MELK: variants seen among roughly 807,000 people sequenced by gnomAD.
The protein encoded by MELK is maternal embryonic leucine zipper kinase.
A neutral mutation model predicts 85.0 loss-of-function variants in MELK; 81 were observed. The ratio of observed to expected loss-of-function variants is 0.95; its 90% CI spans 0.80 to 1.15. The LOEUF (loss-of-function observed/expected upper bound fraction) is 1.15. Among genes scored for constraint, MELK ranks in the 50% most tolerant of loss-of-function variants. MELK has a pLI of 0.00. For synonymous variants in MELK, 252 were observed against 265.0 expected, an observed-to-expected ratio of 0.95 and a Z score of 0.48; for missense variants, 754 against 777.5, an observed-to-expected ratio of 0.97 and a Z score of 0.36.
intron 17 of MELK, among the ~76,000 whole-genome samples, chr9:36,676,834 T>C (rs1379433219): frequency 6.6e-6 from 1 of 152,216 alleles, no homozygotes; most frequent in Non-Finnish European, 1.5e-5. Flanking sequence ...GGATTACACG[T>C]TGAAAGGATT....
intron 7 of MELK, among the ~76,000 whole-genome samples, chr9:36,600,279 C>T (rs570800891): frequency 3.3e-5 from 5 of 151,878 alleles, no homozygotes; most frequent in South Asian, 2.1e-4. Flanking sequence ...TTAGTAGAGA[C>T]GGGTTTCACC....
intron 15 of MELK, among the ~76,000 whole-genome samples, chr9:36,669,861 A>G (rs77382702): frequency 1.9e-5 from 2 of 104,058 alleles, no homozygotes; most frequent in African/African-American, 3.7e-5. Context: ...TCTTAAAGGC[A>G]TTGTCTATTT....
At chr9:36,583,416 T>G (rs894706085) in intron 2 of MELK, among the ~76,000 whole-genome samples, 2 of 151,776 alleles carry the variant, frequency 1.3e-5, no homozygotes, top group Non-Finnish European at 2.9e-5. Context: ...GAGTTCTGTT[T>G]TTTTTTTATT....
At chr9:36,579,880 TTTTA>T (rs1310866480) in intron 1 of MELK, among the ~76,000 whole-genome samples, 1 of 152,130 alleles carries the variant, frequency 6.6e-6, no homozygotes, top group African/African-American at 2.4e-5. Flanking sequence ...TACAACTAAT[TTTTA>T]TTTATTATTT....
rs1040310727 is a variant in MELK, at chr9:36,580,058, T to C, written c.-38-1586T>C. Among the ~76,000 whole-genome samples the C allele has an allele frequency of 6.3e-3, 938 of 148,214 alleles. 3 individuals carry two copies. Among genetic ancestry groups the C allele is most frequent in the African/African-American group, 0.023 (906 of 39,984 alleles). On this transcript the variant is annotated intron_variant, in intron 1 of 17. Coordinates refer to ENST00000298048, the MANE Select transcript of MELK (RefSeq NM_014791.4). ...GTCTTCTTTTTTTTTTTTTTTTTTTTTTATTTTGAGACAGAATCTCGCTCC... is the reference window on the plus strand; with the variant it reads ...GTCTTCTTTTTTTTTTTTTTTTTTTCTTATTTTGAGACAGAATCTCGCTCC...
At chr9:36,635,856 G>A (rs930193762) in intron 10 of MELK, among the ~76,000 whole-genome samples, 16 of 150,580 alleles carry the variant, frequency 1.1e-4, no homozygotes, top group South Asian at 2.1e-4. Context: ...GAGTGCAATG[G>A]CGCAGTCTCA....
At chr9:36,648,580 A>G (rs1353487456) in intron 11 of MELK, among the ~76,000 whole-genome samples, 1 of 152,226 alleles carries the variant, frequency 6.6e-6, no homozygotes, top group Non-Finnish European at 1.5e-5. Context: ...CAAAGTCTTC[A>G]TATTGAACAG....
chr9:36,672,289 G>A (rs1051126725), intron 16 of MELK, among the ~76,000 whole-genome samples: 8 of 152,012 alleles, frequency 5.3e-5, no homozygotes, highest in Admixed American at 3.9e-4. Flanking sequence ...AATTTCTCTG[G>A]TTGGAGATAG....
chr9:36,651,059 G>C (rs1398184867), intron 11 of MELK, among the ~76,000 whole-genome samples: 1 of 152,146 alleles, frequency 6.6e-6, no homozygotes, highest in Non-Finnish European at 1.5e-5. Context: ...TGACCACATT[G>C]GTTGTTAAAA....
At chr9:36,657,999 A>G (rs923813977) in intron 13 of MELK, among the ~76,000 whole-genome samples, 4 of 152,098 alleles carry the variant, frequency 2.6e-5, no homozygotes, top group Non-Finnish European at 5.9e-5. Flanking sequence ...ACAGTTGTAT[A>G]ACCACCACCA....
At chr9:36,661,284 C>T (rs960154949) in intron 13 of MELK, among the ~76,000 whole-genome samples, 1 of 152,108 alleles carries the variant, frequency 6.6e-6, no homozygotes. Flanking sequence ...ATAAATGCTG[C>T]GATCTTTGGC....
rs1415556900 is a variant in MELK at position 36,633,085 on chromosome 9, T to C, written c.736-17T>C. On this transcript the variant is annotated splice_polypyrimidine_tract_variant and intron_variant, in intron 9 of 17. Coordinates refer to ENST00000298048, the MANE Select transcript of MELK (RefSeq NM_014791.4). ...ATTTGAAATGTTAATCTCTAGCTACTTTTTAATGGCCACTAGGTGGACCCA... is the reference window on the plus strand; with the variant it reads ...ATTTGAAATGTTAATCTCTAGCTACCTTTTAATGGCCACTAGGTGGACCCA... 39 of 1,567,632 alleles carry C rather than the reference T, an allele frequency of 2.5e-5. No homozygotes were observed. Among genetic ancestry groups the C allele is most frequent in the Non-Finnish European group, 3.4e-5 (39 of 1,147,074 alleles).
In MELK at chr9:36,589,619, A is replaced by G. The variant is rs148574125; in HGVS notation, c.228A>G (p.Leu76=). The change falls in exon 4 of 18, where the codon CTA becomes CTG. Residue 76 remains leucine, a synonymous_variant. Transcript: ENST00000298048. The stretch of plus-strand genomic sequence containing the variant: ...ATATATGTCAACTCTACCATGTGCT[A>G]GAGACAGCCAACAAAATATTCATGG... ...HQHICQLYHV[L]ETANKIFMVL... is the part of the protein sequence containing the mutation. 288 of 1,613,466 alleles carry G rather than the reference A, an allele frequency of 1.8e-4. 1 individual carries two copies. The South Asian group carries it at 2.6e-3, about 15-fold the overall frequency.
intron 17 of MELK, among the ~76,000 whole-genome samples, chr9:36,676,781 G>A (rs934217204): frequency 3.9e-5 from 6 of 152,140 alleles, no homozygotes; most frequent in African/African-American, 7.2e-5. Context: ...TCTTTCTTGC[G>A]CTTTCCTTTG....
At chr9:36,582,803 T>C (rs973601155) in intron 2 of MELK, among the ~76,000 whole-genome samples, 2 of 152,108 alleles carry the variant, frequency 1.3e-5, no homozygotes, top group African/African-American at 2.4e-5. Flanking sequence ...GTTTTTGGCC[T>C]GAGCACCAGG....
chr9:36,636,290 G>A (rs1422796422), intron 10 of MELK, among the ~76,000 whole-genome samples: 1 of 151,864 alleles, frequency 6.6e-6, no homozygotes, highest in Non-Finnish European at 1.5e-5. Context: ...GATCACCTGA[G>A]GTTGGGAGTT....
chr9:36,581,776 C>T (rs778559271), intron 2 of MELK, 37 bp downstream of exon 2: 4 of 1,498,486 alleles, frequency 2.7e-6, no homozygotes, highest in South Asian at 2.3e-5. Context: ...GTGGATAGAT[C>T]AACTATTTGA....
At chr9:36,576,432 G>C (rs1305086590) in intron 1 of MELK, among the ~76,000 whole-genome samples, 1 of 152,152 alleles carries the variant, frequency 6.6e-6, no homozygotes, top group Non-Finnish European at 1.5e-5. Context: ...TGATGTTGAA[G>C]ACTGAACCTT....
At chr9:36,605,335 T>A (rs139801471) in intron 7 of MELK, among the ~76,000 whole-genome samples, 132 of 152,148 alleles carry the variant, frequency 8.7e-4, no homozygotes, top group African/African-American at 3.1e-3. Flanking sequence ...CAGCCTCCCA[T>A]GTAGCTGGTA....
Sources: gnomAD v4.1 joint callset for allele counts (sites outside exome capture counted in the v4.1 genomes callset) on GRCh38, gnomAD v4.1.1 for gene constraint, MANE v1.5 for transcripts, NCBI Gene and HGNC (gene_info 2026-07-23, HGNC 2026-07-21) for gene names.